Variants in AGBL4 observed in about 807,000 individuals in gnomAD.
AGBL4 encodes cytosolic carboxypeptidase 6.
Under a neutral mutation model 66.4 loss-of-function variants are expected in AGBL4, and 58 were observed. The observed-to-expected ratio is 0.87, with a 90% CI of 0.71 to 1.09. The LOEUF is 1.09. AGBL4 is among the 50% of genes least tolerant of loss of function. The probability of loss-of-function intolerance (pLI) is 0.00; values close to 1 mark genes in which losing one functional copy is unlikely to be tolerated. For missense variants in AGBL4, 579 were observed against 631.0 expected, an observed-to-expected ratio of 0.92 and a Z score of 0.88; for synonymous variants, 234 against 222.9, an observed-to-expected ratio of 1.05 and a Z score of -0.44.
chr1:48,535,347 C>T lies in AGBL4; in HGVS notation c.1365-431G>A, dbSNP rs570458898. Among the ~76,000 whole-genome samples, 29 of 152,232 alleles carry T rather than the reference C, an allele frequency of 1.9e-4. No individual in the cohort carries two copies. In the South Asian group the frequency reaches 5.4e-3, roughly 28 times the overall value. On this transcript the variant is annotated intron_variant, in intron 12 of 13. Transcript: ENST00000371839. Reference sequence around the variant, plus strand: ...GGAAGACAAACTCCCACAAAATAAGCCTCCCCCATCCCCAGGCCTTTGTAG... The same window carrying T: ...GGAAGACAAACTCCCACAAAATAAGTCTCCCCCATCCCCAGGCCTTTGTAG...
chr1:49,422,580 C>A (rs2148644351), intron 3 of AGBL4, among the ~76,000 whole-genome samples: 1 of 152,314 alleles, frequency 6.6e-6, no homozygotes, highest in Middle Eastern at 3.4e-3. Context: ...TGTCACTCAT[C>A]AAATGCAAAA....
chr1:49,429,745 A>G (rs999754734), intron 3 of AGBL4, among the ~76,000 whole-genome samples: 3 of 152,096 alleles, frequency 2.0e-5, no homozygotes, highest in Non-Finnish European at 4.4e-5. Context: ...TCAGTATGAT[A>G]TTTAAAATCC....
At chr1:48,576,478 T>A (rs1644655376) in intron 11 of AGBL4, among the ~76,000 whole-genome samples, 1 of 152,188 alleles carries the variant, frequency 6.6e-6, no homozygotes, top group African/African-American at 2.4e-5. Context: ...ATATCCCCAA[T>A]TATTTTTACC....
chr1:49,212,945 A>T (rs895937577), intron 4 of AGBL4, among the ~76,000 whole-genome samples: 1 of 152,124 alleles, frequency 6.6e-6, no homozygotes, highest in African/African-American at 2.4e-5. Context: ...AAAAGCATTT[A>T]TTTTTATTTA....
At chr1:49,964,439 AAAGT>A (rs929219341) in intron 1 of AGBL4, among the ~76,000 whole-genome samples, 16 of 152,258 alleles carry the variant, frequency 1.1e-4, no homozygotes, top group African/African-American at 3.8e-4. Flanking sequence ...TATTTAGCTA[AAAGT>A]AAGAGTACTA....
chr1:49,220,959 T>C (rs1649450581), intron 4 of AGBL4, among the ~76,000 whole-genome samples: 1 of 152,194 alleles, frequency 6.6e-6, no homozygotes, highest in South Asian at 2.1e-4. Context: ...GGTTCCTTTG[T>C]CTGCCCAGTC....
chr1:49,754,057 G>A (rs1272596594), intron 2 of AGBL4, among the ~76,000 whole-genome samples: 3 of 152,102 alleles, frequency 2.0e-5, no homozygotes, highest in African/African-American at 7.2e-5. Flanking sequence ...CCCACATTCT[G>A]AAGCCTACTT....
intron 9 of AGBL4, among the ~76,000 whole-genome samples, chr1:48,633,815 C>T (rs1384824427): frequency 6.6e-6 from 1 of 152,198 alleles, no homozygotes; most frequent in African/African-American, 2.4e-5. Flanking sequence ...GGTGTGAACA[C>T]CCATTGTTCT....
intron 3 of AGBL4, among the ~76,000 whole-genome samples, chr1:49,539,949 G>A (rs1382518252): frequency 1.3e-5 from 2 of 152,192 alleles, no homozygotes; most frequent in Non-Finnish European, 2.9e-5. Context: ...GGGGCTCAGA[G>A]GAGGAGGCAG....
intron 5 of AGBL4, among the ~76,000 whole-genome samples, chr1:49,004,724 T>C (rs141387867): frequency 5.9e-5 from 9 of 152,298 alleles, no homozygotes; most frequent in African/African-American, 2.2e-4. Context: ...CCTGAGGAAT[T>C]AGTGGAGCCT....
intron 6 of AGBL4, among the ~76,000 whole-genome samples, chr1:48,747,911 G>A (rs904803659): frequency 6.6e-6 from 1 of 152,056 alleles, no homozygotes; most frequent in South Asian, 2.1e-4. Flanking sequence ...AATAATATTC[G>A]ATTCTTTTTT....
At chr1:49,032,058 C>T (rs1401590976) in intron 5 of AGBL4, among the ~76,000 whole-genome samples, 2 of 152,008 alleles carry the variant, frequency 1.3e-5, no homozygotes, top group Admixed American at 6.6e-5. Context: ...AAGAACATTC[C>T]AGGTAGATGG....
chr1:49,024,210 G>A (rs1663465906), intron 5 of AGBL4, among the ~76,000 whole-genome samples: 1 of 152,072 alleles, frequency 6.6e-6, no homozygotes, highest in South Asian at 2.1e-4. Context: ...TATATTTAAT[G>A]GATTAATATG....
At chr1:49,125,131 A>G (rs1449564365) in intron 4 of AGBL4, among the ~76,000 whole-genome samples, 1 of 152,212 alleles carries the variant, frequency 6.6e-6, no homozygotes, top group Admixed American at 6.5e-5. Context: ...AAACCTGGGC[A>G]TTTAATATTC....
chr1:48,965,056 T>G (rs1471416950), intron 5 of AGBL4, among the ~76,000 whole-genome samples: 2 of 152,192 alleles, frequency 1.3e-5, no homozygotes, highest in Non-Finnish European at 2.9e-5. Flanking sequence ...CCTTGGTACT[T>G]ACTTTTTCCA....
intron 3 of AGBL4, among the ~76,000 whole-genome samples, chr1:49,381,196 G>A (rs961652701): frequency 3.9e-5 from 6 of 152,120 alleles, no homozygotes; most frequent in African/African-American, 1.4e-4. Context: ...GATATGAACA[G>A]ACACTTCTCA....
At chr1:49,165,145 G>A (rs1646611097) in intron 4 of AGBL4, among the ~76,000 whole-genome samples, 1 of 152,122 alleles carries the variant, frequency 6.6e-6, no homozygotes, top group African/African-American at 2.4e-5. Flanking sequence ...GATAAGTGAG[G>A]AAGATATATG....
intron 5 of AGBL4, among the ~76,000 whole-genome samples, chr1:48,959,009 A>G (rs1657732546): frequency 6.6e-6 from 1 of 152,216 alleles, no homozygotes; most frequent in Admixed American, 6.5e-5. Flanking sequence ...TCTGCCCATG[A>G]ATCTTAGCCT....
At chr1:48,648,274 T>G (rs919856385) in intron 8 of AGBL4, among the ~76,000 whole-genome samples, 1 of 152,186 alleles carries the variant, frequency 6.6e-6, no homozygotes, top group Non-Finnish European at 1.5e-5. Context: ...CTGTATGAAT[T>G]TGATCACTTG....
Sources: gnomAD v4.1 joint callset for allele counts (sites outside exome capture counted in the v4.1 genomes callset) on GRCh38, gnomAD v4.1.1 for gene constraint, MANE v1.5 for transcripts, NCBI Gene and HGNC (gene_info 2026-07-23, HGNC 2026-07-21) for gene names.